Variants in CFAP161 observed in about 807,000 individuals in gnomAD.
CFAP161 encodes cilia- and flagella-associated protein 161.
CFAP161 carries 25 observed loss-of-function variants against 29.0 expected under a neutral mutation model. The ratio of observed to expected loss-of-function variants is 0.86; its 90% CI spans 0.63 to 1.20. The LOEUF is 1.20. Among genes scored for constraint, CFAP161 ranks in the 50% most tolerant of loss-of-function variants. The pLI is 0.00. For missense variants in CFAP161, 367 were observed against 371.9 expected, an observed-to-expected ratio of 0.99 and a Z score of 0.11; for synonymous variants, 116 against 137.4, an observed-to-expected ratio of 0.84 and a Z score of 1.09.
intron 1 of CFAP161, among the ~76,000 whole-genome samples, chr15:81,103,252 C>T (rs1311970210): frequency 6.6e-6 from 1 of 152,158 alleles, no homozygotes; most frequent in East Asian, 1.9e-4. Flanking sequence ...ATCTATGATT[C>T]CTGGCTCATA....
upstream of CFAP161, among the ~76,000 whole-genome samples, chr15:81,130,569 A>G (rs1310837916): frequency 1.3e-5 from 2 of 152,170 alleles, no homozygotes; most frequent in East Asian, 3.9e-4. Context: ...GTGTGGTGGC[A>G]TGCGCCTGTA....
chr15:81,121,340 A>C (rs546212923), intron 1 of CFAP161, among the ~76,000 whole-genome samples: 1 of 152,232 alleles, frequency 6.6e-6, no homozygotes, highest in South Asian at 2.1e-4. Context: ...TCATATTTAT[A>C]ACTTTACATT....
chr15:81,134,893 TAAC>T (rs1250305957), intron 1 of CFAP161, among the ~76,000 whole-genome samples: 1 of 152,180 alleles, frequency 6.6e-6, no homozygotes, highest in Non-Finnish European at 1.5e-5. Flanking sequence ...AGGGTGGTCT[TAAC>T]AAGGCTTTGA....
intron 4 of CFAP161, among the ~76,000 whole-genome samples, chr15:81,138,915 T>A (rs999481137): frequency 6.6e-6 from 1 of 152,214 alleles, no homozygotes; most frequent in African/African-American, 2.4e-5. Flanking sequence ...GTAGCAGAGC[T>A]AGTACTATAT....
intron 5 of CFAP161, among the ~76,000 whole-genome samples, chr15:81,146,908 C>T (rs1263460297): frequency 9.7e-5 from 13 of 133,470 alleles, no homozygotes; most frequent in African/African-American, 3.5e-4. Context: ...ACATCCCTCA[C>T]AATTTGCCCA....
intron 5 of CFAP161, among the ~76,000 whole-genome samples, chr15:81,144,042 T>C (rs961320985): frequency 3.9e-5 from 6 of 152,188 alleles, no homozygotes; most frequent in African/African-American, 1.4e-4. Context: ...CACAGACTTA[T>C]AGCTCAAATG....
At chr15:81,129,445 A>G (rs529816544), upstream of CFAP161, among the ~76,000 whole-genome samples, 294 of 152,336 alleles carry the variant, frequency 1.9e-3, 1 homozygote, top group African/African-American at 6.9e-3. Context: ...GGTGGCAGAC[A>G]AGAGAAAAAA....
chr15:81,131,013 G>A (rs11855565), upstream of CFAP161, among the ~76,000 whole-genome samples: 27,535 of 151,762 alleles, frequency 0.18, 3,471 homozygotes, highest in African/African-American at 0.35. Flanking sequence ...TAATAATAAG[G>A]AAGTTTGAAA....
chr15:81,129,372 TC>T (rs1894680481), upstream of CFAP161, among the ~76,000 whole-genome samples: 2 of 152,094 alleles, frequency 1.3e-5, no homozygotes, highest in Non-Finnish European at 2.9e-5. Flanking sequence ...GTTAATAGAC[TC>T]ATTTCCACAT....
intron 1 of CFAP161, among the ~76,000 whole-genome samples, chr15:81,113,777 G>C (rs1894464718): frequency 6.6e-6 from 1 of 152,170 alleles, no homozygotes; most frequent in South Asian, 2.1e-4. Flanking sequence ...AGTTCTCTCA[G>C]AGCTTAATCT....
At chr15:81,126,115 C>A (rs1894638129) in intron 1 of CFAP161, among the ~76,000 whole-genome samples, 1 of 152,176 alleles carries the variant, frequency 6.6e-6, no homozygotes, top group Non-Finnish European at 1.5e-5. Context: ...GTGATCCAGC[C>A]AGCTCAGCCT....
chr15:81,111,053 G>T (rs1402929671), intron 1 of CFAP161, among the ~76,000 whole-genome samples: 3 of 152,360 alleles, frequency 2.0e-5, no homozygotes, highest in Admixed American at 2.0e-4. Context: ...ATGTAGTTCT[G>T]TTAAACTGGA....
intron 1 of CFAP161, among the ~76,000 whole-genome samples, chr15:81,112,531 AT>A (rs1361932135): frequency 1.3e-5 from 2 of 152,226 alleles, no homozygotes; most frequent in African/African-American, 2.4e-5. Flanking sequence ...ATAAAACTAT[AT>A]AAAAAGAAAA....
intron 1 of CFAP161, among the ~76,000 whole-genome samples, chr15:81,105,163 T>TCCGTCCCTCCCTTCCTCCCTC (rs1246992229): frequency 3.0e-5 from 1 of 33,140 alleles, no homozygotes; most frequent in Non-Finnish European, 4.9e-5. Flanking sequence ...CTCCCTCCCT[T>TCCGTCCCTCCCTTCCTCCCTC]CCTTCCTCCC....
chr15:81,102,619 G>A (rs1894316617), intron 1 of CFAP161, among the ~76,000 whole-genome samples: 1 of 152,216 alleles, frequency 6.6e-6, no homozygotes, highest in Non-Finnish European at 1.5e-5. Flanking sequence ...AGTGAGCTGT[G>A]ATTGCATCAC....
At chr15:81,106,741 T>C (rs1894377724) in intron 1 of CFAP161, among the ~76,000 whole-genome samples, 1 of 152,208 alleles carries the variant, frequency 6.6e-6, no homozygotes, top group Admixed American at 6.5e-5. Flanking sequence ...TAAACATTTC[T>C]TCTGGATGAG....
At chr15:81,110,799 A>G (rs967346513) in intron 1 of CFAP161, among the ~76,000 whole-genome samples, 1 of 152,188 alleles carries the variant, frequency 6.6e-6, no homozygotes, top group Non-Finnish European at 1.5e-5. Context: ...GCAAGACCTT[A>G]GGCTCATAGT....
intron 1 of CFAP161, among the ~76,000 whole-genome samples, chr15:81,107,012 G>C (rs1459701523): frequency 2.0e-5 from 3 of 152,172 alleles, no homozygotes; most frequent in Non-Finnish European, 2.9e-5. Context: ...GCTACAGTGA[G>C]CTGTGATCAC....
At chr15:81,147,729 AT>A (rs1895032934) in intron 5 of CFAP161, 128 bp from the exon 6 acceptor site, 1 of 547,440 alleles carries the variant, frequency 1.8e-6, no homozygotes, top group Non-Finnish European at 3.1e-6. Context: ...AATATATATA[AT>A]TTTTTTCTAC....
Sources: allele counts gnomAD v4.1 joint callset (sites outside exome capture counted in the v4.1 genomes callset), GRCh38; gene constraint gnomAD v4.1.1; transcripts MANE v1.5; gene names NCBI Gene and HGNC (gene_info 2026-07-23, HGNC 2026-07-21).